The following NUP35 variants were observed in gnomAD, a reference collection of about 807,000 sequenced individuals.
NUP35 encodes nucleoporin 35.
NUP35 carries 25 observed loss-of-function variants against 41.5 expected under a neutral mutation model. The observed-to-expected ratio is 0.60, with a 90% CI of 0.44 to 0.84. The LOEUF (loss-of-function observed/expected upper bound fraction) is 0.84. Among genes scored for constraint, NUP35 ranks in the 40% least tolerant of loss-of-function variants. The pLI, the probability that NUP35 is intolerant of heterozygous loss-of-function variation, is 0.00. For synonymous variants in NUP35, 149 were observed against 130.7 expected, an observed-to-expected ratio of 1.14 and a Z score of -0.96; for missense variants, 396 against 396.6, an observed-to-expected ratio of 1.00 and a Z score of 0.01.
At chr2:183,149,301 T>G (rs1378169419) in intron 4 of NUP35, among the ~76,000 whole-genome samples, 1 of 152,126 alleles carries the variant, frequency 6.6e-6, no homozygotes, top group Non-Finnish European at 1.5e-5. Flanking sequence ...CATTCAAAAT[T>G]AAAACAAAAT....
intron 4 of NUP35, among the ~76,000 whole-genome samples, chr2:183,143,167 A>C (rs1290630446): frequency 6.6e-6 from 1 of 150,980 alleles, no homozygotes; most frequent in Non-Finnish European, 1.5e-5. Context: ...AAAAAAAAAA[A>C]AAAGAAAAGA....
At chr2:183,124,646 G>A in intron 1 of NUP35, 149 bp downstream of exon 1, 2 of 1,007,710 alleles carry the variant, frequency 2.0e-6, no homozygotes, top group East Asian at 2.5e-5. Flanking sequence ...TTCATAGTCG[G>A]TCCCCTACTC....
rs140613784 is a variant in NUP35 at position 183,125,509 on chromosome 2, C to G, written c.40+1012C>G. 2.6e-3 allele frequency among the ~76,000 whole-genome samples: 402 copies of G among 152,286 alleles called. 3 individuals carry two copies. Among genetic ancestry groups the G allele is most frequent in the African/African-American group, 9.0e-3 (376 of 41,552 alleles). On this transcript the variant is annotated intron_variant, in intron 1 of 8. Transcript: ENST00000295119. ...TAAGTTCTTTTTGAGAATAGAGTAA[C>G]TTGAACTACTTTAGTCTGTCATAAA...
intron 4 of NUP35, among the ~76,000 whole-genome samples, chr2:183,145,436 G>A (rs1575127321): frequency 6.6e-6 from 1 of 152,146 alleles, no homozygotes; most frequent in East Asian, 1.9e-4. Context: ...TTTGGATTTT[G>A]TATTTACAGA....
At chr2:183,137,931 TTTG>T (rs1377198541) in intron 4 of NUP35, among the ~76,000 whole-genome samples, 1 of 152,168 alleles carries the variant, frequency 6.6e-6, no homozygotes, top group East Asian at 1.9e-4. Flanking sequence ...TAAATATCTT[TTTG>T]TTAACTTATT....
chr2:183,130,429 C>T lies in NUP35; in HGVS notation c.223C>T (p.Pro75Ser). The change falls in exon 3 of 9, where the codon CCA becomes TCA. Residue 75 changes from proline to serine, a missense_variant. Physicochemically the swap from Pro to Ser is moderately conservative, Grantham distance 74 (BLOSUM62 -1). Transcript: ENST00000295119. ...RSPLLAGGSP[P>S]QPVVPAHKDK... ...TTTGTACACTGTAGGTGGGTCACCA[C>T]CACAACCAGTTGTACCAGCTCATAA... The T allele has an allele frequency of 6.3e-7, 1 of 1,598,896 alleles. No homozygotes were observed. The highest frequency in any genetic ancestry group is 8.5e-7 in the Non-Finnish European group (1 of 1,175,340).
chr2:183,136,357 C>T (rs946160004), intron 4 of NUP35, among the ~76,000 whole-genome samples: 1 of 152,162 alleles, frequency 6.6e-6, no homozygotes, highest in African/African-American at 2.4e-5. Flanking sequence ...CAGATGTCAA[C>T]AGGGCTGTGT....
At chr2:183,120,645 T>A, upstream of NUP35, among the ~76,000 whole-genome samples, 1 of 152,080 alleles carries the variant, frequency 6.6e-6, no homozygotes, top group East Asian at 1.9e-4. Flanking sequence ...AGAATAACCA[T>A]TTTTCAAAGT....
At chr2:183,129,069 C>T (rs748317796) in intron 2 of NUP35, among the ~76,000 whole-genome samples, 11 of 152,056 alleles carry the variant, frequency 7.2e-5, no homozygotes, top group Admixed American at 2.0e-4. Context: ...CATTTAGCTT[C>T]AACTGAATTC....
chr2:183,127,153 A>T (rs1254371256), intron 1 of NUP35, among the ~76,000 whole-genome samples: 1 of 152,090 alleles, frequency 6.6e-6, no homozygotes, highest in Admixed American at 6.6e-5. Flanking sequence ...TATATAGCTC[A>T]CTCATCTTCA....
Position 183,128,441 on chromosome 2 carries a change from A to G in NUP35, c.195A>G (p.Arg65=). Residue 65 remains arginine, a synonymous_variant, in exon 2 of 9, where the codon AGA becomes AGG. Coordinates refer to ENST00000295119, the MANE Select transcript of NUP35 (RefSeq NM_138285.5). Reference sequence around the variant, plus strand: ...CTTCAGTAGGAGTAATGGAAATGAGATCACCTTTACTTGCAGGTAGGTGAA... The same window carrying G: ...CTTCAGTAGGAGTAATGGAAATGAGGTCACCTTTACTTGCAGGTAGGTGAA... ...SGPSVGVMEM[R]SPLLAGGSPP... is the part of the protein sequence containing the mutation. 6.2e-7 allele frequency: 1 copy of G among 1,612,952 alleles called. No individual in the cohort carries two copies. The highest frequency in any genetic ancestry group is 8.5e-7 in the Non-Finnish European group (1 of 1,179,382).
upstream of NUP35, chr2:183,123,813 T>G (rs772685958): frequency 2.9e-5 from 29 of 985,168 alleles, no homozygotes; most frequent in Non-Finnish European, 3.5e-5. Flanking sequence ...TTCCGCGGTG[T>G]GGAGGGTTCG....
chr2:183,130,747 T>A (rs1684669716), intron 3 of NUP35, among the ~76,000 whole-genome samples: 1 of 152,092 alleles, frequency 6.6e-6, no homozygotes, highest in Non-Finnish European at 1.5e-5. Context: ...AACTCTAGAT[T>A]TTCTCTCATA....
intron 2 of NUP35, among the ~76,000 whole-genome samples, chr2:183,129,636 G>A (rs1298158751): frequency 3.3e-5 from 5 of 152,150 alleles, no homozygotes; most frequent in African/African-American, 9.7e-5. Flanking sequence ...TTAAAGGGTA[G>A]GTAATAGTAT....
chr2:183,133,855 A>G (rs1331632614), intron 4 of NUP35, among the ~76,000 whole-genome samples: 2 of 152,170 alleles, frequency 1.3e-5, no homozygotes, highest in African/African-American at 2.4e-5. Flanking sequence ...GGAAGGAAAT[A>G]CTTTGTATAT....
At chr2:183,120,689 T>C (rs1039910097), upstream of NUP35, among the ~76,000 whole-genome samples, 2 of 152,190 alleles carry the variant, frequency 1.3e-5, no homozygotes, top group Non-Finnish European at 1.5e-5. Context: ...CAATATAATC[T>C]AGAAATCAAA....
intron 5 of NUP35, among the ~76,000 whole-genome samples, chr2:183,157,075 G>T (rs942925236): frequency 2.6e-5 from 4 of 151,980 alleles, no homozygotes; most frequent in Non-Finnish European, 5.9e-5. Flanking sequence ...TTTCATAACC[G>T]TAGTATACCT....
At chr2:183,136,527 A>G (rs1450403025) in intron 4 of NUP35, among the ~76,000 whole-genome samples, 1 of 152,188 alleles carries the variant, frequency 6.6e-6, no homozygotes. Flanking sequence ...TCCTTGGCTC[A>G]TGGCTCTCCA....
rs145578357 is a variant in NUP35 at position 183,153,164 on chromosome 2, G to A, written c.539+1515G>A. Among the ~76,000 whole-genome samples the A allele has an allele frequency of 9.9e-3, 1,502 of 152,242 alleles. 23 individuals carry two copies. The highest frequency in any genetic ancestry group is 0.033 in the African/African-American group (1,371 of 41,538). ...CCCCATGAATCAATTACCTCTCCCTGGGTTCCTCCCACAACACATGGGAAT... is the reference window on the plus strand; with the variant it reads ...CCCCATGAATCAATTACCTCTCCCTAGGTTCCTCCCACAACACATGGGAAT... On this transcript the variant is annotated intron_variant, in intron 5 of 8. Transcript: ENST00000295119.
Sources: allele counts gnomAD v4.1 joint callset (sites outside exome capture counted in the v4.1 genomes callset), GRCh38; gene constraint gnomAD v4.1.1; transcripts MANE v1.5; gene names NCBI Gene and HGNC (gene_info 2026-07-23, HGNC 2026-07-21).